Variants in ASTN2 observed in about 807,000 individuals in gnomAD.
ASTN2 encodes the protein astrotactin-2.
A neutral mutation model predicts 139.8 loss-of-function variants in ASTN2; 54 were observed. The ratio of observed to expected loss-of-function variants is 0.39; its 90% CI spans 0.31 to 0.48. The LOEUF is 0.48. Ranked by LOEUF, ASTN2 falls within the 20% of genes least tolerant of loss-of-function variation. The pLI, the probability that ASTN2 is intolerant of heterozygous loss-of-function variation, is 0.95. For missense variants in ASTN2, 1,565 were observed against 1,725.1 expected, an observed-to-expected ratio of 0.91 and a Z score of 1.64; for synonymous variants, 756 against 719.5, an observed-to-expected ratio of 1.05 and a Z score of -0.81.
intron 11 of ASTN2, among the ~76,000 whole-genome samples, chr9:116,832,587 C>G (rs538720677): frequency 5.3e-4 from 81 of 151,608 alleles, no homozygotes; most frequent in Non-Finnish European, 8.0e-4. Flanking sequence ...GGAATTTTGT[C>G]AAATGTTTTT....
intron 19 of ASTN2, among the ~76,000 whole-genome samples, chr9:116,605,854 C>G (rs1014571964): frequency 5.3e-5 from 8 of 152,104 alleles, no homozygotes; most frequent in Non-Finnish European, 7.4e-5. Context: ...AGTGAAAAAT[C>G]TTTGAATGTA....
intron 19 of ASTN2, among the ~76,000 whole-genome samples, chr9:116,549,616 C>T (rs1266448693): frequency 6.6e-6 from 1 of 152,184 alleles, no homozygotes; most frequent in African/African-American, 2.4e-5. Flanking sequence ...CCCAGAGGGC[C>T]CTGCAACCTT....
intron 21 of ASTN2, among the ~76,000 whole-genome samples, 178 bp from the exon 22 acceptor site, chr9:116,440,970 G>A (rs963072757): frequency 2.6e-5 from 4 of 152,192 alleles, no homozygotes; most frequent in African/African-American, 9.6e-5. Context: ...TTGGTTTTCT[G>A]TCATCTGGAG....
At chr9:117,153,637 G>T (rs1408532893) in intron 3 of ASTN2, among the ~76,000 whole-genome samples, 1 of 152,126 alleles carries the variant, frequency 6.6e-6, no homozygotes. Flanking sequence ...TTATTTTGCA[G>T]TGGGAACAAT....
intron 19 of ASTN2, among the ~76,000 whole-genome samples, chr9:116,495,035 T>C (rs1299410914): frequency 6.6e-6 from 1 of 152,166 alleles, no homozygotes; most frequent in Non-Finnish European, 1.5e-5. Context: ...AACTCTCTCT[T>C]GGGATAGCCA....
chr9:117,184,284 A>G (rs1236157533), intron 3 of ASTN2, among the ~76,000 whole-genome samples: 1 of 152,186 alleles, frequency 6.6e-6, no homozygotes, highest in East Asian at 1.9e-4. Context: ...ACTGCCAAGG[A>G]CATAGCTGGA....
intron 20 of ASTN2, among the ~76,000 whole-genome samples, chr9:116,473,578 A>G (rs929299070): frequency 1.8e-4 from 27 of 152,198 alleles, no homozygotes; most frequent in Non-Finnish European, 3.2e-4. Context: ...GTCCCCTTCA[A>G]GGTCATCATT....
intron 12 of ASTN2, among the ~76,000 whole-genome samples, chr9:116,819,455 C>G (rs1344462516): frequency 2.6e-5 from 4 of 152,154 alleles, no homozygotes; most frequent in African/African-American, 9.7e-5. Flanking sequence ...AAGGCACCTG[C>G]AGCCCTAAGT....
chr9:117,115,752 GC>G, intron 4 of ASTN2, among the ~76,000 whole-genome samples: 1 of 152,008 alleles, frequency 6.6e-6, no homozygotes, highest in Non-Finnish European at 1.5e-5. Context: ...CTGGCCGGGC[GC>G]GGTGGCTCAC....
At chr9:116,772,499 A>C (rs1452015743) in intron 13 of ASTN2, among the ~76,000 whole-genome samples, 1 of 152,198 alleles carries the variant, frequency 6.6e-6, no homozygotes, top group East Asian at 1.9e-4. Flanking sequence ...GTATGTATTT[A>C]ATAGCAGCAT....
At chr9:116,751,063 C>T (rs1829385515) in intron 13 of ASTN2, among the ~76,000 whole-genome samples, 3 of 152,062 alleles carry the variant, frequency 2.0e-5, no homozygotes, top group African/African-American at 4.8e-5. Context: ...TAATACCCTA[C>T]TCCACTCATA....
chr9:116,447,890 G>C (rs1848050076), intron 20 of ASTN2, among the ~76,000 whole-genome samples: 1 of 152,186 alleles, frequency 6.6e-6, no homozygotes, highest in Non-Finnish European at 1.5e-5. Flanking sequence ...GATCAGAGGA[G>C]GGTGGGTAGA....
intron 3 of ASTN2, among the ~76,000 whole-genome samples, chr9:117,172,423 A>G (rs1402513395): frequency 6.6e-6 from 1 of 152,186 alleles, no homozygotes; most frequent in Non-Finnish European, 1.5e-5. Flanking sequence ...ATAGGCATAC[A>G]TAAAGAAAAC....
intron 11 of ASTN2, among the ~76,000 whole-genome samples, chr9:116,853,133 A>G (rs1037876699): frequency 2.0e-5 from 3 of 152,160 alleles, no homozygotes; most frequent in African/African-American, 7.2e-5. Context: ...ATATGTATCT[A>G]TCTATATATA....
Position 116,708,338 on chromosome 9 carries a change from C to G in ASTN2, c.2806+17433G>C, listed in dbSNP as rs562071381. Among the ~76,000 whole-genome samples the G allele has an allele frequency of 3.9e-5, 6 of 152,288 alleles. No homozygotes were observed. The South Asian group carries it at 1.2e-3, about 32-fold the overall frequency. Reference sequence around the variant, plus strand: ...TATTATCAAAATTACTAACTTTAATCAACAACTGGTAAATACTTTTAATTC... The same window carrying G: ...TATTATCAAAATTACTAACTTTAATGAACAACTGGTAAATACTTTTAATTC... On this transcript the variant is annotated intron_variant, in intron 16 of 22. Transcript: ENST00000313400.
chr9:116,962,647 A>G (rs1835903808), intron 10 of ASTN2, among the ~76,000 whole-genome samples: 2 of 152,216 alleles, frequency 1.3e-5, no homozygotes, highest in Admixed American at 1.3e-4. Context: ...TAGCAACTTC[A>G]TTTATAATAG....
intron 3 of ASTN2, among the ~76,000 whole-genome samples, chr9:117,213,289 T>C (rs1014819079): frequency 1.3e-5 from 2 of 152,140 alleles, no homozygotes; most frequent in African/African-American, 4.8e-5. Flanking sequence ...CAGAGGATAT[T>C]AGAAGCTGGG....
chr9:117,326,823 G>C (rs566535284), intron 1 of ASTN2, among the ~76,000 whole-genome samples: 3 of 152,242 alleles, frequency 2.0e-5, no homozygotes, highest in Non-Finnish European at 4.4e-5. Flanking sequence ...CTATATGGAA[G>C]TGATGGTGAT....
rs575447243 is a variant in ASTN2, at chr9:117,400,111, C to T, written c.442+14386G>A. On this transcript the variant is annotated intron_variant, in intron 1 of 22. Transcript: ENST00000313400. ...GAGTAGCCTATGCAGCCCAATCTTC[C>T]CCTGCTTTCCTGAAAGAGACTTGGC... Among the ~76,000 whole-genome samples, 182 of 152,308 alleles carry T rather than the reference C, an allele frequency of 1.2e-3. 1 individual carries two copies. Among genetic ancestry groups the T allele is most frequent in the Non-Finnish European group, 2.2e-3 (148 of 68,032 alleles).
Sources: gnomAD v4.1 joint callset for allele counts (sites outside exome capture counted in the v4.1 genomes callset) on GRCh38, gnomAD v4.1.1 for gene constraint, MANE v1.5 for transcripts, NCBI Gene and HGNC (gene_info 2026-07-23, HGNC 2026-07-21) for gene names.